The following C12orf42 variants were observed in gnomAD, a reference collection of about 807,000 sequenced individuals.
The protein encoded by C12orf42 is uncharacterized protein C12orf42.
C12orf42 carries 25 observed loss-of-function variants against 21.6 expected under a neutral mutation model. The observed-to-expected ratio is 1.16, with a 90% CI of 0.84 to 1.62. The LOEUF is 1.62. Ranked by LOEUF, C12orf42 falls within the 40% of genes most tolerant of loss-of-function variation. C12orf42 has a pLI of 0.00. For synonymous variants in C12orf42, 174 were observed against 175.0 expected (o/e 0.99, Z 0.05); for missense variants, 483 against 459.3 (o/e 1.05, Z -0.47).
At chr12:103,316,186 T>C (rs1429412253) in intron 4 of C12orf42, among the ~76,000 whole-genome samples, 2 of 149,804 alleles carry the variant, frequency 1.3e-5, no homozygotes, top group Non-Finnish European at 3.0e-5. Flanking sequence ...CTGATATAAA[T>C]AGTATATATA....
downstream of C12orf42, among the ~76,000 whole-genome samples, chr12:103,301,280 G>A (rs1271786491): frequency 2.0e-5 from 3 of 152,098 alleles, no homozygotes; most frequent in Admixed American, 6.5e-5. Flanking sequence ...GAACTTGAGT[G>A]CAAAACTGCA....
the C12orf42 span, among the ~76,000 whole-genome samples, chr12:103,062,782 T>A: frequency 6.6e-6 from 1 of 152,198 alleles, no homozygotes; most frequent in Admixed American, 6.5e-5. Flanking sequence ...GCTTGAAGTC[T>A]ATTAATTTTG....
intron 5 of C12orf42, among the ~76,000 whole-genome samples, chr12:103,272,596 C>T (rs1444423194): frequency 6.6e-6 from 1 of 152,204 alleles, no homozygotes; most frequent in Non-Finnish European, 1.5e-5. Context: ...TGCACTCCCT[C>T]TGACACCTGA....
chr12:103,172,849 AAT>A, the C12orf42 span, among the ~76,000 whole-genome samples: 1 of 152,160 alleles, frequency 6.6e-6, no homozygotes. Flanking sequence ...AATTTTGTCA[AAT>A]ATATCTCTTG....
At chr12:103,115,289 T>A in the C12orf42 span, among the ~76,000 whole-genome samples, 1 of 152,170 alleles carries the variant, frequency 6.6e-6, no homozygotes. Flanking sequence ...AACCTGGACA[T>A]CTTTTTGTGT....
chr12:103,442,924 A>G (rs1951345533), intron 2 of C12orf42, among the ~76,000 whole-genome samples: 1 of 152,162 alleles, frequency 6.6e-6, no homozygotes, highest in South Asian at 2.1e-4. Context: ...TTTAATGCCT[A>G]TTAGACACTA....
the C12orf42 span, chr12:103,161,715 G>A: frequency 1.3e-5 from 2 of 152,214 alleles, no homozygotes; most frequent in African/African-American, 2.4e-5. Flanking sequence ...AGTTAGTACT[G>A]GGCACAATTA....
rs1265715775 is a variant in C12orf42, at chr12:103,484,559, C to T, written c.-21-6112G>A. On this transcript the variant is annotated intron_variant, in intron 1 of 5. Transcript: ENST00000548883. ...TTCTTTGTAGATTCTGGATATTAGC[C>T]CCTTGTCAGATGGGTAGATTGCAAA... Among the ~76,000 whole-genome samples, 3 of 152,038 alleles carry T rather than the reference C, an allele frequency of 2.0e-5. No homozygotes were observed. In the East Asian group the frequency reaches 5.8e-4, roughly 29 times the overall value.
intron 2 of C12orf42, among the ~76,000 whole-genome samples, chr12:103,424,514 C>G (rs906866017): frequency 1.3e-5 from 2 of 152,176 alleles, no homozygotes; most frequent in Admixed American, 6.5e-5. Flanking sequence ...TGGGTGCAGC[C>G]CACAGAGGGC....
rs187879159 is a variant in C12orf42 at position 103,447,157 on chromosome 12, G to A, written c.78+31192C>T. 1.1e-4 allele frequency among the ~76,000 whole-genome samples: 16 copies of A among 151,920 alleles called. No individual in the cohort carries two copies. In the East Asian group the frequency reaches 3.1e-3, roughly 29 times the overall value. On this transcript the variant is annotated intron_variant, in intron 2 of 5. Coordinates refer to ENST00000548883, the MANE Select transcript of C12orf42 (RefSeq NM_198521.5). ...TTTAAGAAAATCAAAATTATATAGA[G>A]TACTCTCTCAGACCACAGTGGAATA...
chr12:103,225,322 G>C, the C12orf42 span, among the ~76,000 whole-genome samples: 1 of 152,170 alleles, frequency 6.6e-6, no homozygotes, highest in Non-Finnish European at 1.5e-5. Context: ...GGTAAAAATG[G>C]GGGAATTGTA....
intron 2 of C12orf42, among the ~76,000 whole-genome samples, chr12:103,421,331 A>G (rs2049882335): frequency 6.6e-6 from 1 of 152,188 alleles, no homozygotes; most frequent in African/African-American, 2.4e-5. Context: ...CAACTTTAGG[A>G]GACCAAGGCG....
the C12orf42 span, among the ~76,000 whole-genome samples, chr12:103,127,521 G>GTACA: frequency 6.6e-6 from 1 of 152,088 alleles, no homozygotes; most frequent in African/African-American, 2.4e-5. Flanking sequence ...ATGTACACAT[G>GTACA]TACATACATA....
chr12:103,477,252 T>A (rs140351245), intron 2 of C12orf42, among the ~76,000 whole-genome samples: 6 of 151,908 alleles, frequency 3.9e-5, no homozygotes, highest in African/African-American at 1.5e-4. Context: ...GTAGTGGTCA[T>A]GGCAGGACCT....
intron 2 of C12orf42, among the ~76,000 whole-genome samples, chr12:103,413,940 C>T (rs145503908): frequency 1.8e-4 from 28 of 152,128 alleles, no homozygotes; most frequent in Non-Finnish European, 2.8e-4. Flanking sequence ...CATATTTTTG[C>T]AATTGTGAAT....
chr12:103,113,238 T>C, the C12orf42 span, among the ~76,000 whole-genome samples: 3 of 152,206 alleles, frequency 2.0e-5, no homozygotes, highest in Non-Finnish European at 2.9e-5. Flanking sequence ...ACTAAAGTCA[T>C]ACTGAGATAT....
chr12:103,196,686 C>A, the C12orf42 span, among the ~76,000 whole-genome samples: 1 of 151,824 alleles, frequency 6.6e-6, no homozygotes. Flanking sequence ...CTTATTTGTC[C>A]TTTTAAGTCA....
chr12:103,484,312 C>G (rs1252521005), intron 1 of C12orf42, among the ~76,000 whole-genome samples: 2 of 152,232 alleles, frequency 1.3e-5, no homozygotes, highest in African/African-American at 4.8e-5. Flanking sequence ...TTCACATCTT[C>G]TCCAGCATCT....
intron 3 of C12orf42, among the ~76,000 whole-genome samples, chr12:103,371,188 A>T (rs1160176748): frequency 1.3e-5 from 2 of 152,104 alleles, no homozygotes; most frequent in African/African-American, 4.8e-5. Context: ...TTGTCACTTC[A>T]TACGGCCTAT....
Sources: gnomAD v4.1 joint callset for allele counts (sites outside exome capture counted in the v4.1 genomes callset) on GRCh38, gnomAD v4.1.1 for gene constraint, MANE v1.5 for transcripts, NCBI Gene and HGNC (gene_info 2026-07-23, HGNC 2026-07-21) for gene names.